The following ZNF503 variants were observed in gnomAD, a reference collection of about 807,000 sequenced individuals.
ZNF503 encodes the protein zinc finger protein 503, also known as NocA-like zinc finger 2.
In ZNF503, 15 loss-of-function variants were observed where a neutral mutation model predicts 34.4. That is an observed-to-expected ratio of 0.44 (90% CI 0.29 to 0.67). ZNF503 has a LOEUF of 0.67. Ranked by LOEUF, ZNF503 falls within the 30% of genes least tolerant of loss-of-function variation. ZNF503 has a pLI of 0.13. For synonymous variants in ZNF503, 580 were observed against 456.8 expected (o/e 1.27, Z -3.44); for missense variants, 1,007 against 926.8 (o/e 1.09, Z -1.12).
the ZNF503 span, among the ~76,000 whole-genome samples, chr10:75,294,159 A>T: frequency 6.6e-6 from 1 of 152,224 alleles, no homozygotes; most frequent in Admixed American, 6.5e-5. Context: ...TCCATCCCAC[A>T]TGCCTTATCT....
the ZNF503 span, among the ~76,000 whole-genome samples, chr10:75,331,691 C>T: frequency 6.6e-6 from 1 of 152,160 alleles, no homozygotes; most frequent in Admixed American, 6.5e-5. Flanking sequence ...GAGATGAAGT[C>T]TTGCTATATT....
At chr10:75,383,965 G>A in the ZNF503 span, among the ~76,000 whole-genome samples, 54 of 152,288 alleles carry the variant, frequency 3.5e-4, 3 homozygotes, top group South Asian at 0.011. Flanking sequence ...GAACTCTCAG[G>A]GTGTGTAGTC....
rs1308423955 is a variant in ZNF503, at chr10:75,399,407, C to T, written c.1283G>A (p.Arg428Gln). ...GTGGTAGCTGAGGCAGTAAGGGTCC[C>T]GGCACAAACTGGCTGTCATCACGGA... Reference protein sequence around the residue: ...PPSVMTASLCRDPYCLSYHCA... With the variant: ...PPSVMTASLCQDPYCLSYHCA... Residue 428 changes from arginine (R) to glutamine (Q), a missense_variant, in exon 2 of 2, where the codon CGG becomes CAG. By Grantham distance (43) the Arg-to-Gln change is conservative. Transcript: ENST00000372524. 1.9e-6 allele frequency: 3 copies of T among 1,604,830 alleles called. No homozygotes were observed. Among genetic ancestry groups the T allele is most frequent in the Non-Finnish European group, 2.5e-6 (3 of 1,178,480 alleles).
chr10:75,346,287 G>C, the ZNF503 span, among the ~76,000 whole-genome samples: 1 of 152,030 alleles, frequency 6.6e-6, no homozygotes, highest in African/African-American at 2.4e-5. Context: ...AGTCTCACAG[G>C]GCCCTGTCCT....
At chr10:75,365,192 AGGCT>A in the ZNF503 span, among the ~76,000 whole-genome samples, 1 of 152,224 alleles carries the variant, frequency 6.6e-6, no homozygotes, top group East Asian at 1.9e-4. Flanking sequence ...TCTGTCGTCC[AGGCT>A]GGAGTGCAGT....
the ZNF503 span, among the ~76,000 whole-genome samples, chr10:75,301,099 TTCC>T: frequency 4.9e-4 from 75 of 152,324 alleles, no homozygotes; most frequent in African/African-American, 1.7e-3. Context: ...GGGATATCTC[TTCC>T]TATTTTTGTG....
the ZNF503 span, among the ~76,000 whole-genome samples, chr10:75,380,141 A>G: frequency 6.6e-6 from 1 of 152,226 alleles, no homozygotes; most frequent in Non-Finnish European, 1.5e-5. Context: ...AGAGGGAAGA[A>G]CAACAGAGAT....
chr10:75,308,645 T>C, the ZNF503 span, among the ~76,000 whole-genome samples: 1 of 152,108 alleles, frequency 6.6e-6, no homozygotes, highest in East Asian at 1.9e-4. Context: ...TAACAGGAGT[T>C]TGGAAGAAGT....
chr10:75,305,776 G>C, the ZNF503 span, among the ~76,000 whole-genome samples: 1 of 152,036 alleles, frequency 6.6e-6, no homozygotes, highest in Non-Finnish European at 1.5e-5. Flanking sequence ...TTATCATTTT[G>C]TGACTTTTTG....
chr10:75,373,131 G>A, the ZNF503 span, among the ~76,000 whole-genome samples: 41 of 152,352 alleles, frequency 2.7e-4, no homozygotes, highest in African/African-American at 8.9e-4. Flanking sequence ...CATCTTCCGC[G>A]ACTGTCACCT....
At chr10:75,339,606 T>C in the ZNF503 span, among the ~76,000 whole-genome samples, 1 of 152,166 alleles carries the variant, frequency 6.6e-6, no homozygotes, top group Non-Finnish European at 1.5e-5. Context: ...AGCCCAGTGA[T>C]AGGTGCCTAT....
chr10:75,349,660 C>T, the ZNF503 span, among the ~76,000 whole-genome samples: 10 of 152,160 alleles, frequency 6.6e-5, no homozygotes, highest in Non-Finnish European at 1.0e-4. Context: ...ACCATTGCAG[C>T]CGACTACTGT....
chr10:75,347,229 A>G, the ZNF503 span, among the ~76,000 whole-genome samples: 1 of 152,254 alleles, frequency 6.6e-6, no homozygotes, highest in Non-Finnish European at 1.5e-5. Context: ...AATTTGCAAA[A>G]TACAGAGATG....
chr10:75,399,947 G>A lies in ZNF503; in HGVS notation c.743C>T (p.Ala248Val). The A allele has an allele frequency of 1.9e-6, 3 of 1,606,094 alleles. No homozygotes were observed. In the South Asian group the frequency reaches 3.3e-5, roughly 18 times the overall value. Residue 248 changes from alanine to valine, a missense_variant, in exon 2 of 2, where the codon GCC becomes GTC. Physicochemically the swap from Ala to Val is moderately conservative, Grantham distance 64. Transcript: ENST00000372524. ...PGGMLSSAGG[A>V]PEGKDDKKDT... ...TTTCTTGTCGTCCTTGCCCTCCGGG[G>A]CACCCCCGGCCGAGGACAGCATACC... is the stretch of plus-strand genomic sequence containing the variant.
the ZNF503 span, among the ~76,000 whole-genome samples, chr10:75,313,719 C>T: frequency 5.3e-5 from 8 of 152,198 alleles, no homozygotes; most frequent in African/African-American, 1.9e-4. Context: ...GGGCATGCCC[C>T]TGCAGACAGC....
the ZNF503 span, among the ~76,000 whole-genome samples, chr10:75,287,458 G>A: frequency 6.6e-6 from 1 of 152,002 alleles, no homozygotes; most frequent in Non-Finnish European, 1.5e-5. Context: ...CCCCCCTTCT[G>A]GCTTTCTTTC....
the ZNF503 span, among the ~76,000 whole-genome samples, chr10:75,307,813 C>A: frequency 6.6e-6 from 1 of 152,118 alleles, no homozygotes; most frequent in African/African-American, 2.4e-5. Context: ...CATGGTGGGA[C>A]CATGCCTATA....
chr10:75,303,479 T>C, the ZNF503 span, among the ~76,000 whole-genome samples: 1 of 152,250 alleles, frequency 6.6e-6, no homozygotes, highest in Non-Finnish European at 1.5e-5. Flanking sequence ...CGTTGTACCA[T>C]GTAAAGCCAG....
rs776727778 is a variant in ZNF503, at chr10:75,398,790, C to G, written c.1900G>C (p.Gly634Arg). The G allele has an allele frequency of 6.8e-7, 1 of 1,463,392 alleles. No homozygotes were observed. The highest frequency in any genetic ancestry group is 9.0e-7 in the Non-Finnish European group (1 of 1,112,894). The allele number at this position is 1,463,392 out of a possible 1,614,324, so 90.7% of individuals were successfully genotyped here. A position where few individuals can be genotyped will look rare whatever the true frequency, so the allele number is the denominator to read the frequency against. Residue 634 changes from glycine to arginine, a missense_variant, in exon 2 of 2, where the codon GGA becomes CGA. By Grantham distance (125) the Gly-to-Arg change is moderately radical. Transcript: ENST00000372524. ...GPYYSPYALY[G>R]QRLTTASALG... ...GCCGAGGCGGTGGTCAGTCTCTGTC[C>G]GTAGAGGGCGTAGGGGGAGTAGTAC... is the stretch of plus-strand genomic sequence containing the variant.
Sources: gnomAD v4.1 joint callset for allele counts (sites outside exome capture counted in the v4.1 genomes callset) on GRCh38, gnomAD v4.1.1 for gene constraint, MANE v1.5 for transcripts, NCBI Gene and HGNC (gene_info 2026-07-23, HGNC 2026-07-21) for gene names.